The following NEK7 variants were observed in gnomAD, a reference collection of about 807,000 sequenced individuals.
NEK7 encodes the protein serine/threonine-protein kinase Nek7.
A neutral mutation model predicts 44.6 loss-of-function variants in NEK7; 18 were observed. The observed-to-expected ratio is 0.40, with a 90% CI of 0.28 to 0.60. The LOEUF (loss-of-function observed/expected upper bound fraction) is 0.60. NEK7 is among the 20% of genes least tolerant of loss of function. The pLI is 0.38. For missense variants in NEK7, 256 were observed against 366.5 expected, an observed-to-expected ratio of 0.70 and a Z score of 2.46; for synonymous variants, 130 against 121.1, an observed-to-expected ratio of 1.07 and a Z score of -0.48.
chr1:198,201,510 T>C (rs1327936467), intron 1 of NEK7, among the ~76,000 whole-genome samples: 1 of 152,216 alleles, frequency 6.6e-6, no homozygotes, highest in Non-Finnish European at 1.5e-5. Flanking sequence ...ATTTGATGCC[T>C]GTGAAGCTTA....
intron 1 of NEK7, among the ~76,000 whole-genome samples, chr1:198,192,408 G>C (rs991362582): frequency 6.7e-6 from 1 of 150,100 alleles, no homozygotes; most frequent in African/African-American, 2.5e-5. Flanking sequence ...TCTGCTGTTT[G>C]CTTTTTAATT....
Position 198,253,309 on chromosome 1 carries a change from G to GT in NEK7, c.198+130dup, listed in dbSNP as rs1571577057. The GT allele has an allele frequency of 1.4e-5, 8 of 589,938 alleles. No individual in the cohort carries two copies. In the East Asian group the frequency reaches 2.5e-4, roughly 18 times the overall value. 36.5% of individuals were successfully genotyped at this position (589,938 alleles called of 1,614,324 possible). A position where few individuals can be genotyped will look rare whatever the true frequency, so the allele number is the denominator to read the frequency against. On this transcript the variant is annotated intron_variant, in intron 3 of 9. Coordinates refer to ENST00000367385, the MANE Select transcript of NEK7 (RefSeq NM_133494.3). Reference sequence around the variant, plus strand: ...AGAATGCTGGGAAAGATTGAACGTTGTATTTTAAAAGCCAGAAACAAGTGT... The same window carrying GT: ...AGAATGCTGGGAAAGATTGAACGTTGTTATTTTAAAAGCCAGAAACAAGTGT...
At chr1:198,233,051 G>A (rs1010990587) in intron 2 of NEK7, among the ~76,000 whole-genome samples, 2 of 151,094 alleles carry the variant, frequency 1.3e-5, no homozygotes, top group East Asian at 3.9e-4. Context: ...TGAATGACCT[G>A]TAAGCTCTGA....
At chr1:198,159,305 G>A (rs116309450) in intron 1 of NEK7, among the ~76,000 whole-genome samples, 4,455 of 151,912 alleles carry the variant, frequency 0.029, 117 homozygotes, top group African/African-American at 0.063. Context: ...AAGAAAGAAA[G>A]GAAGGAAGGA....
At chr1:198,220,200 T>C (rs1350253875) in intron 1 of NEK7, among the ~76,000 whole-genome samples, 1 of 152,038 alleles carries the variant, frequency 6.6e-6, no homozygotes, top group African/African-American at 2.4e-5. Context: ...TTGTACCAAA[T>C]GTGGCCGATG....
At chr1:198,243,139 T>G (rs1666736847) in intron 2 of NEK7, among the ~76,000 whole-genome samples, 1 of 152,192 alleles carries the variant, frequency 6.6e-6, no homozygotes, top group Admixed American at 6.5e-5. Context: ...TTTCTTTTCA[T>G]TTTTTAGTCT....
chr1:198,197,691 G>T, intron 1 of NEK7: 1 of 461,284 alleles, frequency 2.2e-6, no homozygotes, highest in African/African-American at 2.0e-5. Flanking sequence ...GAGCCCAAGG[G>T]CTACTTTCCC....
chr1:198,285,930 C>T (rs1235650385), intron 7 of NEK7, among the ~76,000 whole-genome samples: 5 of 151,848 alleles, frequency 3.3e-5, no homozygotes, highest in East Asian at 3.9e-4. Flanking sequence ...AAGAGTGAGC[C>T]GTTAGGAAAT....
chr1:198,167,703 G>C (rs1280143506), intron 1 of NEK7, among the ~76,000 whole-genome samples: 1 of 152,164 alleles, frequency 6.6e-6, no homozygotes, highest in Non-Finnish European at 1.5e-5. Context: ...TTGCCACTTA[G>C]AGATTTTGCC....
intron 1 of NEK7, among the ~76,000 whole-genome samples, chr1:198,174,820 G>A (rs1664560617): frequency 6.6e-6 from 1 of 151,988 alleles, no homozygotes; most frequent in Non-Finnish European, 1.5e-5. Flanking sequence ...CATTGTGGCA[G>A]GATCATGGCT....
intron 1 of NEK7, among the ~76,000 whole-genome samples, chr1:198,177,309 T>G (rs1341382426): frequency 6.6e-6 from 1 of 152,116 alleles, no homozygotes; most frequent in Non-Finnish European, 1.5e-5. Context: ...ATCAAAGTGT[T>G]CTCTTCAGTA....
intron 2 of NEK7, among the ~76,000 whole-genome samples, chr1:198,238,966 T>C (rs1381132625): frequency 6.6e-6 from 1 of 152,208 alleles, no homozygotes; most frequent in African/African-American, 2.4e-5. Flanking sequence ...GGGAGTCTTA[T>C]ACTCATGTTT....
rs1655501110 is a variant in NEK7 at position 198,320,423 on chromosome 1, A to C, written c.*901A>C. On this transcript the variant is annotated 3_prime_UTR_variant, in exon 10 of 10. Coordinates refer to ENST00000367385, the MANE Select transcript of NEK7 (RefSeq NM_133494.3). ...AATTGTACACTATAATATAAGCCTA[A>C]GTTTTTATTCATAAGTTTTATTGAA... 6.6e-6 allele frequency: 1 copy of C among 152,138 alleles called. No homozygotes were observed. Among genetic ancestry groups the C allele is most frequent in the Non-Finnish European group, 1.5e-5 (1 of 67,992 alleles). The allele number at this position is 152,138 out of a possible 1,614,324, so 9.4% of individuals were successfully genotyped here. A position where few individuals can be genotyped will look rare whatever the true frequency, so the allele number is the denominator to read the frequency against.
chr1:198,224,242 G>A (rs1314536273), intron 1 of NEK7, among the ~76,000 whole-genome samples: 1 of 151,980 alleles, frequency 6.6e-6, no homozygotes, highest in South Asian at 2.1e-4. Context: ...GATATCATAG[G>A]TATTATAATG....
intron 1 of NEK7, among the ~76,000 whole-genome samples, chr1:198,208,991 T>C (rs1665682154): frequency 1.3e-5 from 2 of 151,838 alleles, no homozygotes; most frequent in Admixed American, 1.3e-4. Flanking sequence ...CTAATATGTC[T>C]CTATTTCATT....
chr1:198,311,749 T>C lies in NEK7; in HGVS notation c.799-7663T>C, dbSNP rs145202102. Among the ~76,000 whole-genome samples, 373 of 152,358 alleles carry C rather than the reference T, an allele frequency of 2.4e-3. 1 individual carries two copies. Among genetic ancestry groups the C allele is most frequent in the African/African-American group, 8.3e-3 (346 of 41,572 alleles). ...ATATGCTGGATTACATTGATTGATT[T>C]GTGTATGTTGAACCAGCCTTGCATC... On this transcript the variant is annotated intron_variant, in intron 9 of 9. Transcript: ENST00000367385.
chr1:198,310,287 C>G (rs189031836), intron 9 of NEK7, among the ~76,000 whole-genome samples: 108 of 151,830 alleles, frequency 7.1e-4, no homozygotes, highest in Admixed American at 4.1e-3. Flanking sequence ...TTTTTGATGG[C>G]GTTGTTTGTT....
rs533283910 is a variant in NEK7 at position 198,229,445 on chromosome 1, T to G, written c.-28-3108T>G. The stretch of plus-strand genomic sequence containing the variant: ...GAGAGGGGGTCAGGGGAACCCCAAC[T>G]TGACGTGGGTTGGTCAGAAATTCCA... On this transcript the variant is annotated intron_variant, in intron 1 of 9. Transcript: ENST00000367385. Among the ~76,000 whole-genome samples the G allele has an allele frequency of 2.6e-5, 4 of 152,326 alleles. No individual in the cohort carries two copies. The East Asian group carries it at 7.7e-4, about 29-fold the overall frequency.
intron 3 of NEK7, among the ~76,000 whole-genome samples, chr1:198,257,569 T>C (rs1653310942): frequency 6.6e-6 from 1 of 152,324 alleles, no homozygotes; most frequent in East Asian, 1.9e-4. Context: ...TTGCAGCTTT[T>C]ATGAACTTCA....
Sources: allele counts gnomAD v4.1 joint callset (sites outside exome capture counted in the v4.1 genomes callset), GRCh38; gene constraint gnomAD v4.1.1; transcripts MANE v1.5; gene names NCBI Gene and HGNC (gene_info 2026-07-23, HGNC 2026-07-21).